The following IMMT variants were observed in gnomAD, a reference collection of about 807,000 sequenced individuals.
The protein encoded by IMMT is MICOS complex subunit MIC60.
Under a neutral mutation model 92.7 loss-of-function variants are expected in IMMT, and 40 were observed. The ratio of observed to expected loss-of-function variants is 0.43; its 90% CI spans 0.34 to 0.56. IMMT has a LOEUF of 0.56. Ranked by LOEUF, IMMT falls within the 20% of genes least tolerant of loss-of-function variation. IMMT has a pLI of 0.03. For synonymous variants in IMMT, 322 were observed against 336.1 expected, an observed-to-expected ratio of 0.96 and a Z score of 0.46; for missense variants, 831 against 912.1, an observed-to-expected ratio of 0.91 and a Z score of 1.14.
chr2:86,162,120 T>A (rs1169406912), intron 7 of IMMT, 41 bp from the exon 8 acceptor site: 3 of 1,248,732 alleles, frequency 2.4e-6, no homozygotes, highest in Non-Finnish European at 2.2e-6. Flanking sequence ...TAACTGCTAT[T>A]ATTGTCATAT....
At chr2:86,195,200 G>T (rs1673452446) in intron 1 of IMMT, 138 bp downstream of exon 1, 2 of 917,708 alleles carry the variant, frequency 2.2e-6, no homozygotes, top group African/African-American at 1.8e-5. Flanking sequence ...CTAGCTGCCC[G>T]CCCGGGCCTC....
At chr2:86,167,108 G>A (rs1355458669) in intron 6 of IMMT, among the ~76,000 whole-genome samples, 3 of 141,788 alleles carry the variant, frequency 2.1e-5, no homozygotes, top group Non-Finnish European at 4.6e-5. Context: ...AAAAAAAAAA[G>A]AAAACATGGT....
intron 1 of IMMT, among the ~76,000 whole-genome samples, chr2:86,190,708 T>C (rs1326303464): frequency 1.3e-5 from 2 of 152,168 alleles, no homozygotes; most frequent in African/African-American, 4.8e-5. Flanking sequence ...GCAGATACTG[T>C]GTCGGGTGCA....
chr2:86,154,980 A>T (rs1374922549), intron 10 of IMMT, among the ~76,000 whole-genome samples: 1 of 152,020 alleles, frequency 6.6e-6, no homozygotes, highest in Non-Finnish European at 1.5e-5. Flanking sequence ...CTCTTGCCTC[A>T]GCCTCCCGAG....
intron 3 of IMMT, 76 bp from the exon 4 acceptor site, chr2:86,173,837 A>T: frequency 1.4e-6 from 1 of 730,598 alleles, no homozygotes; most frequent in Non-Finnish European, 2.3e-6. Context: ...GCAGTATTTC[A>T]AATGCCAAGT....
In IMMT at chr2:86,161,823, T is replaced by G. The variant is rs907721919; in HGVS notation, c.896+153A>C. 10 of 598,974 alleles carry G rather than the reference T, an allele frequency of 1.7e-5. No homozygotes were observed. The Admixed American group carries it at 2.4e-4, about 15-fold the overall frequency. The allele number at this position is 598,974 out of a possible 1,614,324, so 37.1% of individuals were successfully genotyped here. ...GCCACCGTGCCCGGCCTGTACAAATTCCTAATGCCAATTCAGAACAAGCAC... is the reference window on the plus strand; with the variant it reads ...GCCACCGTGCCCGGCCTGTACAAATGCCTAATGCCAATTCAGAACAAGCAC... On this transcript the variant is annotated intron_variant, in intron 8 of 14. Transcript: ENST00000410111.
chr2:86,190,256 G>C (rs948775843), intron 1 of IMMT, among the ~76,000 whole-genome samples: 2 of 152,304 alleles, frequency 1.3e-5, no homozygotes, highest in South Asian at 4.1e-4. Flanking sequence ...GTAACATAAT[G>C]TTTCATAATC....
chr2:86,148,878 A>AGTAGCAC (rs1675249775), intron 12 of IMMT, among the ~76,000 whole-genome samples: 1 of 63,474 alleles, frequency 1.6e-5, no homozygotes, highest in Non-Finnish European at 6.4e-5. Context: ...GTGCATAAGT[A>AGTAGCAC]TTTATGAAGT....
Position 86,144,201 on chromosome 2 carries a change from A to G in IMMT, c.*67T>C. 1 of 1,566,978 alleles carries G rather than the reference A, an allele frequency of 6.4e-7. No individual in the cohort carries two copies. The highest frequency in any genetic ancestry group is 8.7e-7 in the Non-Finnish European group (1 of 1,149,786). ...GACAAGTCCGGGACTCTCGCTGCGAACCCTTCATCTATCACTGCTGATTTC... is the reference window on the plus strand; with the variant it reads ...GACAAGTCCGGGACTCTCGCTGCGAGCCCTTCATCTATCACTGCTGATTTC... On this transcript the variant is annotated 3_prime_UTR_variant, in exon 15 of 15. Coordinates refer to ENST00000410111, the MANE Select transcript of IMMT (RefSeq NM_006839.3).
intron 3 of IMMT, among the ~76,000 whole-genome samples, chr2:86,176,617 C>A (rs1393795405): frequency 6.6e-6 from 1 of 152,178 alleles, no homozygotes; most frequent in South Asian, 2.1e-4. Context: ...TTGGTACTAT[C>A]TTTAATCCAA....
At chr2:86,145,106 CA>C (rs1674898505) in intron 14 of IMMT, among the ~76,000 whole-genome samples, 1 of 152,038 alleles carries the variant, frequency 6.6e-6, no homozygotes, top group South Asian at 2.1e-4. Flanking sequence ...ATCTAATCCA[CA>C]TATTTTTACC....
rs571079072 is a variant in IMMT at position 86,145,486 on chromosome 2, C to G, written c.1663+582G>C. ...CTCTACCCTGGGCGACAGAGCAAGACTCTGTCTCAAAAAAAAAAAAAAAAA... is the reference window on the plus strand; with the variant it reads ...CTCTACCCTGGGCGACAGAGCAAGAGTCTGTCTCAAAAAAAAAAAAAAAAA... On this transcript the variant is annotated intron_variant, in intron 14 of 14. Transcript: ENST00000410111. Among the ~76,000 whole-genome samples, 57 of 102,242 alleles carry G rather than the reference C, an allele frequency of 5.6e-4. No homozygotes were observed. In the East Asian group the frequency reaches 0.015, roughly 27 times the overall value. The allele number at this position is 102,242 out of a possible 152,430, so 67.1% of individuals were successfully genotyped here. A position where few individuals can be genotyped will look rare whatever the true frequency, so the allele number is the denominator to read the frequency against.
chr2:86,171,132 T>C lies in IMMT; in HGVS notation c.559+76A>G, dbSNP rs1285706520. ...CTAGTGTAAATGTATACTTAGTGTC[T>C]ACGTGTTGCCTAGGCATTAAATAGT... On this transcript the variant is annotated intron_variant, in intron 5 of 14. Transcript: ENST00000410111. The C allele has an allele frequency of 5.5e-6, 7 of 1,270,042 alleles. No individual in the cohort carries two copies. In the African/African-American group the frequency reaches 7.5e-5, roughly 14 times the overall value. 78.7% of individuals were successfully genotyped at this position (1,270,042 alleles called of 1,614,324 possible).
At position 86,173,671 on chromosome 2, in the gene IMMT, C is replaced by G. The variant is rs758521673; in HGVS notation, c.400G>C (p.Asp134His). Residue 134 changes from aspartate to histidine, a missense_variant, in exon 4 of 15, where the codon GAT (aspartate) becomes CAT (histidine). By Grantham distance (81) the Asp-to-His change is moderately conservative. Transcript: ENST00000410111. ...GTACCTGTTGCTGAAGCTGGAGTAT[C>G]TCCCTTTTGTTTTTGGAGTTGTGAG... ...PASQLQKQKG[D>H]TPASATAPTE... is the part of the protein sequence containing the mutation. The G allele has an allele frequency of 2.5e-6, 4 of 1,589,596 alleles. No individual in the cohort carries two copies. In the African/African-American group the frequency reaches 5.4e-5, roughly 21 times the overall value.
At chr2:86,172,057 C>T (rs1677133160) in intron 4 of IMMT, among the ~76,000 whole-genome samples, 1 of 150,922 alleles carries the variant, frequency 6.6e-6, no homozygotes, top group Admixed American at 6.6e-5. Context: ...CCTCGACCTC[C>T]CAGGAACAAG....
intron 12 of IMMT, among the ~76,000 whole-genome samples, chr2:86,148,590 C>T (rs982716723): frequency 5.9e-5 from 9 of 151,938 alleles, no homozygotes; most frequent in East Asian, 1.9e-4. Context: ...CCAGCCTGGG[C>T]GACAGAGCAA....
intron 10 of IMMT, among the ~76,000 whole-genome samples, 194 bp from the exon 11 acceptor site, chr2:86,153,768 G>A (rs1236533442): frequency 6.6e-6 from 1 of 152,144 alleles, no homozygotes; most frequent in Non-Finnish European, 1.5e-5. Flanking sequence ...ACAAATCAAG[G>A]TAAATAACAT....
chr2:86,150,902 A>G (rs1159765463), intron 12 of IMMT, among the ~76,000 whole-genome samples: 1 of 150,802 alleles, frequency 6.6e-6, no homozygotes, highest in East Asian at 1.9e-4. Flanking sequence ...CAATATCCTA[A>G]AGCCAATGAC....
chr2:86,168,087 A>G (rs768019075), intron 6 of IMMT, among the ~76,000 whole-genome samples: 1 of 152,208 alleles, frequency 6.6e-6, no homozygotes, highest in Non-Finnish European at 1.5e-5. Context: ...GACAAATAAG[A>G]AAACAGGTCA....
Sources: allele counts gnomAD v4.1 joint callset (sites outside exome capture counted in the v4.1 genomes callset), GRCh38; gene constraint gnomAD v4.1.1; transcripts MANE v1.5; gene names NCBI Gene and HGNC (gene_info 2026-07-23, HGNC 2026-07-21).